Variants in KIAA1217 observed in about 807,000 individuals in gnomAD.
KIAA1217 encodes the protein sickle tail protein homolog.
A neutral mutation model predicts 163.9 loss-of-function variants in KIAA1217; 88 were observed. The observed-to-expected ratio is 0.54, with a 90% CI of 0.45 to 0.64. The LOEUF (loss-of-function observed/expected upper bound fraction) is 0.64. Ranked by LOEUF, KIAA1217 falls within the 30% of genes least tolerant of loss-of-function variation. KIAA1217 has a pLI of 0.00. For synonymous variants in KIAA1217, 903 were observed against 923.1 expected, an observed-to-expected ratio of 0.98 and a Z score of 0.39; for missense variants, 2,372 against 2,475.0, an observed-to-expected ratio of 0.96 and a Z score of 0.88.
intron 2 of KIAA1217, among the ~76,000 whole-genome samples, chr10:24,088,433 T>C (rs2061795463): frequency 9.6e-6 from 1 of 103,770 alleles, no homozygotes; most frequent in African/African-American, 2.8e-5. Flanking sequence ...CTCCTAATGC[T>C]ATCCCTCCCC....
At chr10:23,907,132 G>A (rs1842194175) in intron 1 of KIAA1217, among the ~76,000 whole-genome samples, 1 of 152,048 alleles carries the variant, frequency 6.6e-6, no homozygotes, top group African/African-American at 2.4e-5. Flanking sequence ...CTGGCCTAAA[G>A]ACCTTTATTG....
chr10:24,295,177 C>G (rs1226182031), intron 2 of KIAA1217, among the ~76,000 whole-genome samples: 1 of 152,152 alleles, frequency 6.6e-6, no homozygotes, highest in Non-Finnish European at 1.5e-5. Flanking sequence ...TAATAGAGAA[C>G]TTATATCTTA....
chr10:23,776,316 A>G (rs1019024623), intron 1 of KIAA1217, among the ~76,000 whole-genome samples: 9 of 145,582 alleles, frequency 6.2e-5, no homozygotes, highest in Non-Finnish European at 1.0e-4. Flanking sequence ...TGTTAAATAA[A>G]TGAACTTTGG....
At chr10:24,163,491 T>G (rs1415876230) in intron 2 of KIAA1217, among the ~76,000 whole-genome samples, 1 of 152,198 alleles carries the variant, frequency 6.6e-6, no homozygotes, top group African/African-American at 2.4e-5. Flanking sequence ...AATGGACAAT[T>G]TTCCAATGAG....
intron 1 of KIAA1217, among the ~76,000 whole-genome samples, chr10:24,219,304 G>A (rs1465243614): frequency 6.6e-6 from 1 of 151,962 alleles, no homozygotes; most frequent in East Asian, 1.9e-4. Flanking sequence ...TAGAGATAGG[G>A]GTCTACTATG....
chr10:23,977,902 C>G (rs537798411), intron 1 of KIAA1217, among the ~76,000 whole-genome samples: 3 of 152,218 alleles, frequency 2.0e-5, no homozygotes, highest in African/African-American at 7.2e-5. Flanking sequence ...CCTTTGGGAC[C>G]TTGTCTGGGG....
intron 2 of KIAA1217, among the ~76,000 whole-genome samples, chr10:24,086,497 TTTG>T (rs1326661996): frequency 6.6e-6 from 1 of 152,168 alleles, no homozygotes; most frequent in Non-Finnish European, 1.5e-5. Flanking sequence ...CCAGGTTGAT[TTTG>T]TTGTTGTTGT....
intron 1 of KIAA1217, among the ~76,000 whole-genome samples, chr10:23,709,368 T>G (rs552226670): frequency 2.1e-5 from 3 of 141,510 alleles, no homozygotes; most frequent in African/African-American, 9.5e-5. Context: ...TATAAAATAG[T>G]TTTTTAAAAA....
chr10:24,214,046 A>G (rs1564839900), intron 1 of KIAA1217, among the ~76,000 whole-genome samples: 1 of 151,510 alleles, frequency 6.6e-6, no homozygotes, highest in Non-Finnish European at 1.5e-5. Flanking sequence ...AGTCCCAGCC[A>G]CTCCAGATTC....
intron 2 of KIAA1217, among the ~76,000 whole-genome samples, chr10:24,137,440 G>A (rs1336341081): frequency 6.6e-6 from 1 of 152,178 alleles, no homozygotes; most frequent in Non-Finnish European, 1.5e-5. Context: ...CACTTTGCAG[G>A]CATTTTCTGC....
chr10:24,254,551 C>G (rs955060183), intron 2 of KIAA1217, among the ~76,000 whole-genome samples: 1 of 152,122 alleles, frequency 6.6e-6, no homozygotes, highest in Non-Finnish European at 1.5e-5. Context: ...ATGTTACAGC[C>G]CTGCCTTTCT....
chr10:23,884,830 G>A (rs555059211), intron 1 of KIAA1217, among the ~76,000 whole-genome samples: 2 of 152,008 alleles, frequency 1.3e-5, no homozygotes, highest in Admixed American at 1.3e-4. Context: ...CTAGTTTCCT[G>A]TTCTTGGGAA....
At chr10:24,062,168 A>C (rs1391480398) in intron 2 of KIAA1217, among the ~76,000 whole-genome samples, 1 of 151,844 alleles carries the variant, frequency 6.6e-6, no homozygotes, top group Non-Finnish European at 1.5e-5. Flanking sequence ...TTTAAGCTTT[A>C]GGGTACATGT....
chr10:24,208,710 G>A (rs1042224762), upstream of KIAA1217: 1 of 153,246 alleles, frequency 6.5e-6, no homozygotes, highest in Admixed American at 6.5e-5. Flanking sequence ...CTGCCTCTGA[G>A]ATTAAAGAGA....
chr10:23,969,406 C>A (rs564266508), intron 1 of KIAA1217, among the ~76,000 whole-genome samples: 1 of 152,174 alleles, frequency 6.6e-6, no homozygotes, highest in Non-Finnish European at 1.5e-5. Flanking sequence ...TCTTACAGTC[C>A]CATCACAATG....
intron 2 of KIAA1217, among the ~76,000 whole-genome samples, chr10:24,120,397 G>T (rs988088234): frequency 6.6e-6 from 1 of 152,164 alleles, no homozygotes; most frequent in Admixed American, 6.5e-5. Context: ...ATGAGAGTCT[G>T]GTTCTTGCCA....
chr10:24,520,651 A>AAAAAAAAATAT (rs1554926857), intron 11 of KIAA1217, among the ~76,000 whole-genome samples: 1 of 39,678 alleles, frequency 2.5e-5, no homozygotes, highest in African/African-American at 8.8e-5. Flanking sequence ...AAAAAAAAAA[A>AAAAAAAAATAT]ATATATATAT....
At chr10:23,861,580 T>A (rs1839951403) in intron 1 of KIAA1217, among the ~76,000 whole-genome samples, 1 of 152,110 alleles carries the variant, frequency 6.6e-6, no homozygotes, top group Non-Finnish European at 1.5e-5. Flanking sequence ...TTTCTCCAGT[T>A]TGGATTAGAG....
chr10:23,896,528 G>A (rs1465769195), intron 1 of KIAA1217, among the ~76,000 whole-genome samples: 1 of 151,996 alleles, frequency 6.6e-6, no homozygotes, highest in Non-Finnish European at 1.5e-5. Flanking sequence ...TTGGCAGGTC[G>A]TATCTGATTT....
Sources: gnomAD v4.1 joint callset for allele counts (sites outside exome capture counted in the v4.1 genomes callset) on GRCh38, gnomAD v4.1.1 for gene constraint, MANE v1.5 for transcripts, NCBI Gene and HGNC (gene_info 2026-07-23, HGNC 2026-07-21) for gene names.